SEC61A2: variants seen among roughly 807,000 people sequenced by gnomAD.
SEC61A2 encodes the protein protein transport protein Sec61 subunit alpha isoform 2.
A neutral mutation model predicts 59.9 loss-of-function variants in SEC61A2; 28 were observed. The observed-to-expected ratio is 0.47, with a 90% CI of 0.35 to 0.64. The LOEUF is 0.64. SEC61A2 is among the 30% of genes least tolerant of loss of function. The pLI is 0.01. For missense variants in SEC61A2, 340 were observed against 585.9 expected (o/e 0.58, Z 4.33); for synonymous variants, 202 against 214.4 (o/e 0.94, Z 0.50).
Position 12,153,823 on chromosome 10 carries a change from A to C in SEC61A2, c.463-1955A>C. On this transcript the variant is annotated intron_variant, in intron 6 of 11. Coordinates refer to ENST00000298428, the MANE Select transcript of SEC61A2 (RefSeq NM_018144.4). The surrounding 1 kb of genome is among the most constrained non-coding windows in gnomAD (Gnocchi z 5.2). ...TCACCCAGAAACATAGGTTTTGAAA[A>C]CTGTTTGCATGCCGTTGTGGAAGGT... The C allele has an allele frequency of 6.3e-7, 1 of 1,592,434 alleles. No individual in the cohort carries two copies. Among genetic ancestry groups the C allele is most frequent in the Non-Finnish European group, 8.5e-7 (1 of 1,170,696 alleles).
intron 8 of SEC61A2, 26 bp from the exon 9 acceptor site, chr10:12,157,882 C>T (rs76282519): frequency 2.5e-6 from 4 of 1,607,446 alleles, no homozygotes; most frequent in Non-Finnish European, 2.6e-6. Context: ...CTGGCTCCCC[C>T]ACTTACTCTC....
chr10:12,140,560 G>A (rs953043699), intron 3 of SEC61A2, among the ~76,000 whole-genome samples: 9 of 152,328 alleles, frequency 5.9e-5, no homozygotes, highest in African/African-American at 1.4e-4. Context: ...TAACCATGGC[G>A]GATTAAGGAA....
Position 12,143,082 on chromosome 10 carries a change from T to C in SEC61A2, c.142-35T>C, listed in dbSNP as rs1306793605. On this transcript the variant is annotated intron_variant, in intron 3 of 11. Coordinates refer to ENST00000298428, the MANE Select transcript of SEC61A2 (RefSeq NM_018144.4). This position sits in a 1 kb window ranked among gnomAD's most constrained non-coding sequence, Gnocchi z 4.8. ...ATTCTTATGCCTCAGCCTTATATAA[T>C]ACAGTTTCATAAACTATTTTGTGTA... 1 of 1,516,168 alleles carries C rather than the reference T, an allele frequency of 6.6e-7. No homozygotes were observed. The highest frequency in any genetic ancestry group is 1.7e-5 in the Admixed American group (1 of 59,912). The allele number at this position is 1,516,168 out of a possible 1,614,324, so 93.9% of individuals were successfully genotyped here.
chr10:12,148,979 G>A (rs1357789780), intron 4 of SEC61A2, among the ~76,000 whole-genome samples: 1 of 152,244 alleles, frequency 6.6e-6, no homozygotes, highest in East Asian at 1.9e-4. Flanking sequence ...ATTGAAGGGA[G>A]TGATGTGACA....
chr10:12,167,478 T>TG, downstream of SEC61A2: 1 of 472,496 alleles, frequency 2.1e-6, no homozygotes, highest in Non-Finnish European at 3.8e-6. Flanking sequence ...TAAACATACT[T>TG]GCATTTATAT....
At chr10:12,132,728 C>T (rs570718897) in intron 1 of SEC61A2, among the ~76,000 whole-genome samples, 51 of 152,286 alleles carry the variant, frequency 3.3e-4, no homozygotes, top group African/African-American at 1.2e-3. Context: ...AGCCCATTTG[C>T]CGTTGTGCTT....
At chr10:12,141,759 T>A (rs1379142665) in intron 3 of SEC61A2, among the ~76,000 whole-genome samples, 1 of 152,156 alleles carries the variant, frequency 6.6e-6, no homozygotes, top group Admixed American at 6.6e-5. Flanking sequence ...GAATTTGAGG[T>A]AGGATGATTC....
At chr10:12,148,618 C>T (rs1434796059) in intron 4 of SEC61A2, among the ~76,000 whole-genome samples, 1 of 151,586 alleles carries the variant, frequency 6.6e-6, no homozygotes, top group Non-Finnish European at 1.5e-5. Flanking sequence ...TGGTTCACTG[C>T]AACCTCCAAC....
rs138030148 is a variant in SEC61A2 at position 12,165,282 on chromosome 10, T to G, written c.*828T>G. On this transcript the variant is annotated 3_prime_UTR_variant, in exon 12 of 12. Coordinates refer to ENST00000298428, the MANE Select transcript of SEC61A2 (RefSeq NM_018144.4). ...TGGGGGTGAACAATGAATATATTCA[T>G]GCTAGGAATTTGTGTCTGTTGTTGT... The G allele has an allele frequency of 2.4e-3, 2,378 of 985,456 alleles. 3 individuals are homozygous for G. Among genetic ancestry groups the G allele is most frequent in the Middle Eastern group, 3.7e-3 (7 of 1,914 alleles). 61.0% of individuals were successfully genotyped at this position (985,456 alleles called of 1,614,324 possible).
At position 12,162,589 on chromosome 10, in the gene SEC61A2, C is replaced by T; in HGVS notation, c.1244+300C>T. 4.1e-6 allele frequency: 2 copies of T among 484,298 alleles called. No homozygotes were observed. Among genetic ancestry groups the T allele is most frequent in the Non-Finnish European group, 7.7e-6 (2 of 259,408 alleles). The allele number at this position is 484,298 out of a possible 1,614,324, so 30.0% of individuals were successfully genotyped here. A position where few individuals can be genotyped will look rare whatever the true frequency, so the allele number is the denominator to read the frequency against. On this transcript the variant is annotated intron_variant, in intron 11 of 11. Transcript: ENST00000298428. The surrounding 1 kb of genome is among the most constrained non-coding windows in gnomAD (Gnocchi z 6.1). ...GCTTTTAAAAAGGATTTCCCAGGAA[C>T]TGTGGCTTATTTGGTCTGGGGTGAG...
chr10:12,157,091 G>T, intron 8 of SEC61A2, 24 bp downstream of exon 8: 4 of 1,602,270 alleles, frequency 2.5e-6, no homozygotes, highest in Non-Finnish European at 3.4e-6. Context: ...TTTCACCAAA[G>T]TAAGTGGGAT....
intron 1 of SEC61A2, among the ~76,000 whole-genome samples, chr10:12,133,018 T>C (rs1485325660): frequency 6.6e-6 from 1 of 152,256 alleles, no homozygotes; most frequent in East Asian, 1.9e-4. Context: ...TTGCTTCACT[T>C]CTACTGACCA....
chr10:12,154,605 A>G lies in SEC61A2; in HGVS notation c.463-1173A>G, dbSNP rs1273379651. Among the ~76,000 whole-genome samples, 2 of 152,176 alleles carry G rather than the reference A, an allele frequency of 1.3e-5. No homozygotes were observed. Among genetic ancestry groups the G allele is most frequent in the Admixed American group, 6.5e-5 (1 of 15,276 alleles). On this transcript the variant is annotated intron_variant, in intron 6 of 11. Coordinates refer to ENST00000298428, the MANE Select transcript of SEC61A2 (RefSeq NM_018144.4). The surrounding 1 kb of genome is among the most constrained non-coding windows in gnomAD (Gnocchi z 5.2). Reference sequence around the variant, plus strand: ...GAACTTGGTTTTCAAGCAGTAAAGGATTAGCATGATCTCTCTTAGAAGTTT... The same window carrying G: ...GAACTTGGTTTTCAAGCAGTAAAGGGTTAGCATGATCTCTCTTAGAAGTTT...
rs1834039165 is a variant in SEC61A2, at chr10:12,142,276, G to C, written c.142-841G>C. Among the ~76,000 whole-genome samples the C allele has an allele frequency of 6.6e-6, 1 of 152,186 alleles. No individual in the cohort carries two copies. Among genetic ancestry groups the C allele is most frequent in the Admixed American group, 6.5e-5 (1 of 15,268 alleles). Reference sequence around the variant, plus strand: ...ATGGTAGATTAGCATCCAAGATGGAGTCACTTTGGTCTCCACCTTGGCCCC... The same window carrying C: ...ATGGTAGATTAGCATCCAAGATGGACTCACTTTGGTCTCCACCTTGGCCCC... On this transcript the variant is annotated intron_variant, in intron 3 of 11. Coordinates refer to ENST00000298428, the MANE Select transcript of SEC61A2 (RefSeq NM_018144.4). This position sits in a 1 kb window ranked among gnomAD's most constrained non-coding sequence, Gnocchi z 5.4.
At position 12,160,897 on chromosome 10, in the gene SEC61A2, T is replaced by G. The variant is rs1385978419; in HGVS notation, c.976-33T>G. ...CAAATGTATTCCTGACTAATTAGGT[T>G]GACCACTTGTTCTTTGTACTCCTGT... On this transcript the variant is annotated intron_variant, in intron 9 of 11. Transcript: ENST00000298428. This position sits in a 1 kb window ranked among gnomAD's most constrained non-coding sequence, Gnocchi z 4.1. 1 of 1,565,610 alleles carries G rather than the reference T, an allele frequency of 6.4e-7. No individual in the cohort carries two copies. Among genetic ancestry groups the G allele is most frequent in the African/African-American group, 1.4e-5 (1 of 72,868 alleles).
At chr10:12,131,681 C>CTT (rs1232061239) in intron 1 of SEC61A2, among the ~76,000 whole-genome samples, 6 of 70,744 alleles carry the variant, frequency 8.5e-5, no homozygotes, top group Admixed American at 3.6e-4. Context: ...AGATTACATA[C>CTT]CTTTTTTTTT....
chr10:12,140,122 G>A (rs74474517), intron 3 of SEC61A2, among the ~76,000 whole-genome samples: 6,095 of 152,250 alleles, frequency 0.04, 146 homozygotes, highest in Middle Eastern at 0.12. Flanking sequence ...ACAGCTAGGC[G>A]TTTGCCTCAT....
At position 12,143,055 on chromosome 10, in the gene SEC61A2, C is replaced by T. The variant is rs559410325; in HGVS notation, c.142-62C>T. 1.9e-5 allele frequency: 25 copies of T among 1,304,498 alleles called. No individual in the cohort carries two copies. The highest frequency in any genetic ancestry group is 8.4e-5 in the Admixed American group (5 of 59,358). The allele number at this position is 1,304,498 out of a possible 1,614,324, so 80.8% of individuals were successfully genotyped here. Reference sequence around the variant, plus strand: ...GCAGCCTTTGCCTCCTGGGTTCAAGCGATTCTTATGCCTCAGCCTTATATA... The same window carrying T: ...GCAGCCTTTGCCTCCTGGGTTCAAGTGATTCTTATGCCTCAGCCTTATATA... On this transcript the variant is annotated intron_variant, in intron 3 of 11. Transcript: ENST00000298428. The surrounding 1 kb of genome is among the most constrained non-coding windows in gnomAD (Gnocchi z 4.8).
intron 2 of SEC61A2, among the ~76,000 whole-genome samples, chr10:12,133,576 C>T (rs1469969540): frequency 6.6e-6 from 1 of 152,192 alleles, no homozygotes; most frequent in Non-Finnish European, 1.5e-5. Flanking sequence ...TTAGTTAAGA[C>T]AGGTTATTCT....
Sources: allele counts gnomAD v4.1 joint callset (sites outside exome capture counted in the v4.1 genomes callset), GRCh38; gene constraint gnomAD v4.1.1; non-coding constraint Gnocchi (gnomAD v3.1); transcripts MANE v1.5; gene names NCBI Gene and HGNC (gene_info 2026-07-23, HGNC 2026-07-21).